DOCK5: variants seen among roughly 807,000 people sequenced by gnomAD.
DOCK5 encodes the protein dedicator of cytokinesis protein 5.
Under a neutral mutation model 251.8 loss-of-function variants are expected in DOCK5, and 142 were observed. The ratio of observed to expected loss-of-function variants is 0.56; its 90% confidence interval spans 0.49 to 0.65. The LOEUF is 0.65. DOCK5 is among the 30% of genes least tolerant of loss of function. The probability of loss-of-function intolerance (pLI) is 0.00; values close to 1 mark genes in which losing one functional copy is unlikely to be tolerated. For synonymous variants in DOCK5, 842 were observed against 835.5 expected, an observed-to-expected ratio of 1.01 and a Z score of -0.13; for missense variants, 2,111 against 2,312.3, an observed-to-expected ratio of 0.91 and a Z score of 1.79.
intron 25 of DOCK5, 67 bp from the exon 26 acceptor site, chr8:25,345,408 A>T: frequency 6.3e-7 from 1 of 1,588,508 alleles, no homozygotes; most frequent in East Asian, 2.2e-5. Context: ...GAAGAGTTGC[A>T]GGAAGGAGAC....
chr8:25,214,991 G>T (rs1389449975), intron 1 of DOCK5, among the ~76,000 whole-genome samples: 1 of 152,168 alleles, frequency 6.6e-6, no homozygotes, highest in Admixed American at 6.6e-5. Context: ...CTGCTGGCTG[G>T]ACATATTTCT....
Position 25,373,798 on chromosome 8 carries a change from C to G in DOCK5, c.3725+140C>G, listed in dbSNP as rs530932856. The G allele has an allele frequency of 2.4e-5, 18 of 751,620 alleles. No homozygotes were observed. In the East Asian group the frequency reaches 5.0e-4, roughly 21 times the overall value. The allele number at this position is 751,620 out of a possible 1,614,324, so 46.6% of individuals were successfully genotyped here. ...AAGTACATGATACGCTCCATTCACC[C>G]TGAACCGACAAACTCTTTAGACAGA... is the stretch of plus-strand genomic sequence containing the variant. On this transcript the variant is annotated intron_variant, in intron 36 of 51. Transcript: ENST00000276440.
chr8:25,239,506 T>G (rs1405584757), intron 1 of DOCK5, among the ~76,000 whole-genome samples: 2 of 152,026 alleles, frequency 1.3e-5, no homozygotes, highest in Non-Finnish European at 2.9e-5. Flanking sequence ...GCATTGTGAC[T>G]CAGTGACCTC....
At chr8:25,283,003 C>T (rs1473914549) in intron 5 of DOCK5, among the ~76,000 whole-genome samples, 1 of 151,950 alleles carries the variant, frequency 6.6e-6, no homozygotes, top group African/African-American at 2.4e-5. Flanking sequence ...GGGGAAAATG[C>T]AGTCCACTAA....
chr8:25,318,418 C>G (rs1805320821), intron 14 of DOCK5, among the ~76,000 whole-genome samples: 1 of 151,822 alleles, frequency 6.6e-6, no homozygotes, highest in Non-Finnish European at 1.5e-5. Flanking sequence ...TTACTTTCTT[C>G]TTTCTTTTCT....
chr8:25,252,679 T>G (rs118011422), intron 2 of DOCK5, among the ~76,000 whole-genome samples: 3,685 of 152,322 alleles, frequency 0.024, 56 homozygotes, highest in Middle Eastern at 0.051. Context: ...TCAAAAGATA[T>G]GTGTGGCAGT....
At position 25,325,375 on chromosome 8, in the gene DOCK5, A is replaced by C. The variant is rs370180340; in HGVS notation, c.1731A>C (p.Lys577Asn). Residue 577 changes from lysine (K) to asparagine (N), a missense_variant, in exon 18 of 52, where the codon AAA (lysine) becomes AAC (asparagine). By Grantham distance (94) the Lys-to-Asn change is moderately conservative (BLOSUM62 0). Around this residue, in one of 3 missense-constraint regions of DOCK5, gnomAD observed 1,717 missense variants for 1,892.4 expected, o/e 0.91. Transcript: ENST00000276440. Reference sequence around the variant, plus strand: ...ATGCTTCCTTTTAGGGTGACAACAAAAAAATGGAAGATGCTAAATTCTACC... The same window carrying C: ...ATGCTTCCTTTTAGGGTGACAACAACAAAATGGAAGATGCTAAATTCTACC... ...HDLVVYKGDN[K>N]KMEDAKFYLT... 2.5e-6 allele frequency: 4 copies of C among 1,613,554 alleles called. No individual in the cohort carries two copies. In the African/African-American group the frequency reaches 5.3e-5, roughly 22 times the overall value.
In DOCK5 at chr8:25,392,916, C is replaced by A. The variant is rs757387150; in HGVS notation, c.4527+34C>A. ...TTTGAAATTGGCATTTAGAAAAAAA[C>A]TTTCTGTTTCCAAATATAATAACAG... On this transcript the variant is annotated intron_variant, in intron 44 of 51. Transcript: ENST00000276440. 8.5e-6 allele frequency: 13 copies of A among 1,523,736 alleles called. No individual in the cohort carries two copies. The East Asian group carries it at 1.2e-4, about 14-fold the overall frequency. The allele number at this position is 1,523,736 out of a possible 1,614,324, so 94.4% of individuals were successfully genotyped here. A position where few individuals can be genotyped will look rare whatever the true frequency, so the allele number is the denominator to read the frequency against.
At chr8:25,316,423 G>C (rs988365608) in intron 13 of DOCK5, among the ~76,000 whole-genome samples, 2 of 152,194 alleles carry the variant, frequency 1.3e-5, no homozygotes, top group African/African-American at 4.8e-5. Context: ...CAATGTTGCA[G>C]TGAGCCGAGA....
At chr8:25,289,590 C>G (rs959904157) in intron 5 of DOCK5, among the ~76,000 whole-genome samples, 10 of 152,002 alleles carry the variant, frequency 6.6e-5, no homozygotes, top group Non-Finnish European at 1.0e-4. Context: ...CGCCTATAAT[C>G]CCAGCACTTT....
chr8:25,331,270 C>CAT lies in DOCK5; in HGVS notation c.1904-976_1904-975dup, dbSNP rs1264849242. Among the ~76,000 whole-genome samples, 9 of 146,592 alleles carry CAT rather than the reference C, an allele frequency of 6.1e-5. No individual in the cohort carries two copies. The South Asian group carries it at 6.5e-4, about 11-fold the overall frequency. The stretch of plus-strand genomic sequence containing the variant: ...ACACACACACACACACACACACACA[C>CAT]ATATATGTGTATTTCTTAATAGAGA... On this transcript the variant is annotated intron_variant, in intron 18 of 51. Transcript: ENST00000276440.
intron 36 of DOCK5, 137 bp downstream of exon 36, chr8:25,373,795 A>G (rs1274389294): frequency 5.2e-6 from 4 of 767,666 alleles, no homozygotes; most frequent in Non-Finnish European, 8.3e-6. Context: ...CGCTCCATTC[A>G]CCCTGAACCG....
chr8:25,390,274 G>T lies in DOCK5; in HGVS notation c.4342G>T (p.Glu1448Ter). 6.3e-7 allele frequency: 1 copy of T among 1,580,958 alleles called. No individual in the cohort carries two copies. The highest frequency in any genetic ancestry group is 1.2e-5 in the South Asian group (1 of 86,104). Residue 1448 changes from glutamate (E) to a stop codon, truncating the protein, a stop_gained, in exon 42 of 52, where the codon GAG (glutamate) becomes TAG (stop). Transcript: ENST00000276440. LOFTEE classifies it high-confidence loss of function. ...PPSYKDKPVP[E>*]QILNYYRANE... Reference sequence around the variant, plus strand: ...CAGCTACAAGGATAAACCTGTTCCAGAGCAGATCTTAAAGTAAGTGGTTTT... The same window carrying T: ...CAGCTACAAGGATAAACCTGTTCCATAGCAGATCTTAAAGTAAGTGGTTTT...
Position 25,292,164 on chromosome 8 carries a change from T to G in DOCK5, c.462T>G (p.His154Gln). 1 of 1,575,784 alleles carries G rather than the reference T, an allele frequency of 6.3e-7. No homozygotes were observed. Among genetic ancestry groups the G allele is most frequent in the African/African-American group, 1.4e-5 (1 of 73,998 alleles). ...AGAAAGTCACAGCCAAAATTGATCA[T>G]GGGAACAGGTAGGTAAACCAGGGAT... ...LKKKVTAKID[H>Q]GNRMLGLDLV... Residue 154 changes from histidine to glutamine, a missense_variant, in exon 6 of 52, where the codon CAT becomes CAG. Transcript: ENST00000276440.
intron 25 of DOCK5, among the ~76,000 whole-genome samples, 195 bp downstream of exon 25, chr8:25,342,702 T>TTG (rs1170187806): frequency 8.9e-6 from 1 of 112,536 alleles, no homozygotes; most frequent in Non-Finnish European, 1.8e-5. Flanking sequence ...TTTTTTTTTT[T>TTG]TTTTTTTTTT....
chr8:25,253,787 G>T (rs1186954483), intron 2 of DOCK5, among the ~76,000 whole-genome samples: 1 of 152,202 alleles, frequency 6.6e-6, no homozygotes. Context: ...ATGTTCATGG[G>T]TAGGGAGACT....
chr8:25,195,019 C>G (rs1419233070), intron 1 of DOCK5, among the ~76,000 whole-genome samples: 1 of 152,022 alleles, frequency 6.6e-6, no homozygotes, highest in Non-Finnish European at 1.5e-5. Context: ...CTCCTGGGTT[C>G]AAGTGATTCT....
chr8:25,364,786 A>G, intron 30 of DOCK5, 82 bp downstream of exon 30: 2 of 1,015,722 alleles, frequency 2.0e-6, no homozygotes, highest in Non-Finnish European at 2.9e-6. Flanking sequence ...ATGTCTCCTC[A>G]GATTTCACTG....
Position 25,336,358 on chromosome 8 carries a change from G to A in DOCK5, c.2312G>A (p.Arg771Gln), listed in dbSNP as rs201426822. ...TTGTTTAGATTCATCATCCAATCCC[G>A]AGTGCTCTACTTGAGGTAATGTTAA... Reference protein sequence around the residue: ...KYLFRFIIQSRVLYLRFYGQS... With the variant: ...KYLFRFIIQSQVLYLRFYGQS... Residue 771 changes from arginine (R) to glutamine (Q), a missense_variant, in exon 22 of 52, where the codon CGA (arginine) becomes CAA (glutamine). By Grantham distance (43) the Arg-to-Gln change is conservative. Transcript: ENST00000276440. The A allele has an allele frequency of 5.0e-6, 8 of 1,613,776 alleles. No individual in the cohort carries two copies. Among genetic ancestry groups the A allele is most frequent in the East Asian group, 4.5e-5 (2 of 44,874 alleles).
Sources: gnomAD v4.1 joint callset for allele counts (sites outside exome capture counted in the v4.1 genomes callset) on GRCh38, gnomAD v4.1.1 for gene constraint, gnomAD v4.1.1 regional missense constraint, MANE v1.5 for transcripts, NCBI Gene and HGNC (gene_info 2026-07-23, HGNC 2026-07-21) for gene names.